Variants in NNT observed in about 807,000 individuals in gnomAD.
NNT encodes the protein NAD(P) transhydrogenase, mitochondrial.
A neutral mutation model predicts 104.8 loss-of-function variants in NNT; 50 were observed. The observed-to-expected ratio is 0.48, with a 90% CI of 0.38 to 0.60. The LOEUF (loss-of-function observed/expected upper bound fraction) is 0.60. Among genes scored for constraint, NNT ranks in the 20% least tolerant of loss-of-function variants. The pLI, the probability that NNT is intolerant of heterozygous loss-of-function variation, is 0.00. For missense variants in NNT, 1,131 were observed against 1,330.7 expected, an observed-to-expected ratio of 0.85 and a Z score of 2.33; for synonymous variants, 461 against 490.4, an observed-to-expected ratio of 0.94 and a Z score of 0.79.
chr5:43,643,720 A>G (rs1307014660), intron 7 of NNT, among the ~76,000 whole-genome samples: 1 of 152,228 alleles, frequency 6.6e-6, no homozygotes, highest in African/African-American at 2.4e-5. Context: ...ATCTGGTGAC[A>G]TATGTTAAGA....
intron 7 of NNT, among the ~76,000 whole-genome samples, chr5:43,628,593 A>T (rs182224056): frequency 3.3e-5 from 5 of 150,616 alleles, no homozygotes; most frequent in African/African-American, 9.7e-5. Flanking sequence ...CTGTGAAAAA[A>T]TTTTTTTTTT....
intron 19 of NNT, among the ~76,000 whole-genome samples, chr5:43,695,773 C>T (rs1402467144): frequency 6.6e-6 from 1 of 152,142 alleles, no homozygotes; most frequent in Non-Finnish European, 1.5e-5. Flanking sequence ...CAATCAATGG[C>T]AGAAGGCGAG....
Position 43,628,344 on chromosome 5 carries a change from A to G in NNT, c.921A>G (p.Gln307=). The change falls in exon 7 of 22, where the codon CAA becomes CAG. Residue 307 remains glutamine, a synonymous_variant. Transcript: ENST00000344920. The part of the protein sequence containing the change: ...IEAEMKLFAQ[Q]CKEVDILIST... Reference sequence around the variant, plus strand: ...CTGAAATGAAACTCTTTGCTCAACAATGCAAGGAGGTAGACATCCTTATCA... The same window carrying G: ...CTGAAATGAAACTCTTTGCTCAACAGTGCAAGGAGGTAGACATCCTTATCA... 1.2e-6 allele frequency: 2 copies of G among 1,613,812 alleles called. No homozygotes were observed. Among genetic ancestry groups the G allele is most frequent in the South Asian group, 1.1e-5 (1 of 91,050 alleles).
At chr5:43,663,842 C>A (rs111800300) in intron 17 of NNT, among the ~76,000 whole-genome samples, 12 of 152,174 alleles carry the variant, frequency 7.9e-5, no homozygotes, top group Non-Finnish European at 1.8e-4. Context: ...AAGTACCTGG[C>A]ACATTCACAC....
chr5:43,655,793 C>G (rs764232556), intron 14 of NNT, 47 bp from the exon 15 acceptor site: 1 of 1,395,096 alleles, frequency 7.2e-7, no homozygotes, highest in South Asian at 1.2e-5. Flanking sequence ...GTGGTTACTT[C>G]TCAAAAGTTT....
At chr5:43,668,695 G>C (rs1465383473) in intron 17 of NNT, among the ~76,000 whole-genome samples, 1 of 152,202 alleles carries the variant, frequency 6.6e-6, no homozygotes, top group Non-Finnish European at 1.5e-5. Flanking sequence ...TTGTAGGATA[G>C]TTTGAAGTCA....
intron 17 of NNT, among the ~76,000 whole-genome samples, chr5:43,669,789 G>C (rs897102642): frequency 6.6e-6 from 1 of 152,162 alleles, no homozygotes; most frequent in Non-Finnish European, 1.5e-5. Flanking sequence ...GATGATGCTG[G>C]CCTCATAAAA....
At chr5:43,692,934 G>A (rs1164643520) in intron 19 of NNT, among the ~76,000 whole-genome samples, 1 of 152,062 alleles carries the variant, frequency 6.6e-6, no homozygotes, top group Admixed American at 6.6e-5. Context: ...TGTGCATTTT[G>A]CTTTGTTTGC....
intron 19 of NNT, among the ~76,000 whole-genome samples, chr5:43,692,187 G>A (rs1742318412): frequency 6.8e-6 from 1 of 147,046 alleles, no homozygotes; most frequent in Non-Finnish European, 1.5e-5. Flanking sequence ...AGCATTAAAA[G>A]TTTTAATTTT....
rs762950638 is a variant in NNT, at chr5:43,619,080, T to C, written c.648T>C (p.Thr216=). 1.9e-6 allele frequency: 3 copies of C among 1,557,000 alleles called. No homozygotes were observed. Among genetic ancestry groups the C allele is most frequent in the Non-Finnish European group, 2.6e-6 (3 of 1,149,696 alleles). The change falls in exon 5 of 22, where the codon ACT becomes ACC. Residue 216 remains threonine, a synonymous_variant. Transcript: ENST00000344920. ...CAAATCATTTTGGACGTTTTTTTAC[T>C]GGTCAGATCACAGCTGCTGGAAAAG... The part of the protein sequence containing the change: ...LAANHFGRFF[T]GQITAAGKVP...
chr5:43,655,014 C>T (rs1025378820), intron 14 of NNT, among the ~76,000 whole-genome samples: 2 of 152,174 alleles, frequency 1.3e-5, no homozygotes, highest in African/African-American at 4.8e-5. Context: ...TTCAGAGGCT[C>T]CTAATTTGGG....
chr5:43,686,838 A>T (rs571393597), intron 19 of NNT, among the ~76,000 whole-genome samples: 1 of 152,214 alleles, frequency 6.6e-6, no homozygotes, highest in South Asian at 2.1e-4. Flanking sequence ...TAGTCCTCTG[A>T]GGAGATTTTA....
At position 43,622,127 on chromosome 5, in the gene NNT, G is replaced by A. The variant is rs535476314; in HGVS notation, c.688-1905G>A. 5.3e-5 allele frequency among the ~76,000 whole-genome samples: 8 copies of A among 152,340 alleles called. No homozygotes were observed. In the East Asian group the frequency reaches 1.4e-3, roughly 26 times the overall value. ...AGGCAAGATCTGTCAGCAATTGGTT[G>A]CACCTGGGACGATGGCGGCACCAGA... On this transcript the variant is annotated intron_variant, in intron 5 of 21. Coordinates refer to ENST00000344920, the MANE Select transcript of NNT (RefSeq NM_182977.3).
chr5:43,656,280 T>A (rs921965917), intron 15 of NNT, among the ~76,000 whole-genome samples: 2 of 152,068 alleles, frequency 1.3e-5, no homozygotes, highest in African/African-American at 4.8e-5. Context: ...TCTCTACTTT[T>A]TATAAAAAAT....
intron 19 of NNT, among the ~76,000 whole-genome samples, chr5:43,694,637 A>G (rs1742460330): frequency 6.6e-6 from 1 of 151,664 alleles, no homozygotes. Flanking sequence ...AGCCTACTTG[A>G]TTGTGGTGTA....
intron 14 of NNT, 117 bp from the exon 15 acceptor site, chr5:43,655,723 T>C (rs1580053320): frequency 2.7e-6 from 2 of 731,464 alleles, no homozygotes; most frequent in Admixed American, 4.6e-5. Flanking sequence ...TAGCCCGTAC[T>C]AGGAACTAGA....
chr5:43,678,822 C>T (rs1561316966), intron 19 of NNT, among the ~76,000 whole-genome samples: 1 of 152,162 alleles, frequency 6.6e-6, no homozygotes, highest in African/African-American at 2.4e-5. Flanking sequence ...AGGGGGCTAC[C>T]TTAATTGTAT....
At chr5:43,624,703 G>A (rs1462407123) in intron 6 of NNT, among the ~76,000 whole-genome samples, 1 of 152,112 alleles carries the variant, frequency 6.6e-6, no homozygotes, top group Admixed American at 6.5e-5. Context: ...CATTTTCCTA[G>A]ATTGTCTTTA....
In NNT at chr5:43,704,421, T is replaced by A; in HGVS notation, c.*17T>A. 6.2e-7 allele frequency: 1 copy of A among 1,612,880 alleles called. No individual in the cohort carries two copies. Among genetic ancestry groups the A allele is most frequent in the Non-Finnish European group, 8.5e-7 (1 of 1,179,334 alleles). ...CAGAAGTAAATATTAAGGATCAAGCTGTTAGCTAATAATGCCACCTCTGCA... is the reference window on the plus strand; with the variant it reads ...CAGAAGTAAATATTAAGGATCAAGCAGTTAGCTAATAATGCCACCTCTGCA... On this transcript the variant is annotated 3_prime_UTR_variant, in exon 22 of 22. Transcript: ENST00000344920.
Sources: allele counts gnomAD v4.1 joint callset (sites outside exome capture counted in the v4.1 genomes callset), GRCh38; gene constraint gnomAD v4.1.1; transcripts MANE v1.5; gene names NCBI Gene and HGNC (gene_info 2026-07-23, HGNC 2026-07-21).